SKAP2: variants seen among roughly 807,000 people sequenced by gnomAD.
SKAP2 encodes the protein src kinase associated phosphoprotein 2, also known as src kinase-associated phosphoprotein 2.
SKAP2 carries 28 observed loss-of-function variants against 54.9 expected under a neutral mutation model. The ratio of observed to expected loss-of-function variants is 0.51; its 90% CI spans 0.38 to 0.70. SKAP2 has a LOEUF of 0.70. SKAP2 is among the 30% of genes least tolerant of loss of function. The pLI is 0.00. For missense variants in SKAP2, 356 were observed against 424.1 expected (o/e 0.84, Z 1.41); for synonymous variants, 137 against 134.3 (o/e 1.02, Z -0.14).
chr7:26,657,544 T>C, the SKAP2 span, among the ~76,000 whole-genome samples: 1 of 152,218 alleles, frequency 6.6e-6, no homozygotes, highest in African/African-American at 2.4e-5. Flanking sequence ...TAATTTAATG[T>C]AGCCCATGAC....
intron 6 of SKAP2, among the ~76,000 whole-genome samples, chr7:26,730,930 A>G (rs1008484615): frequency 2.1e-4 from 32 of 152,194 alleles, no homozygotes; most frequent in African/African-American, 7.0e-4. Flanking sequence ...AGAACTTAAT[A>G]GAACATATCT....
At chr7:26,676,456 C>T (rs969205589) in intron 11 of SKAP2, among the ~76,000 whole-genome samples, 2 of 152,148 alleles carry the variant, frequency 1.3e-5, no homozygotes, top group East Asian at 1.9e-4. Flanking sequence ...CTTTGGAGGT[C>T]TCTGTAGGAG....
rs995545280 is a variant in SKAP2, at chr7:26,803,015, A to C, written c.307+41015T>G. Among the ~76,000 whole-genome samples the C allele has an allele frequency of 2.6e-5, 4 of 152,186 alleles. No homozygotes were observed. In the East Asian group the frequency reaches 7.7e-4, roughly 29 times the overall value. ...ATCTAAAGCCTCAAACTATGAAACTACTACAAGAAAACATTGGAGAAAATT... is the reference window on the plus strand; with the variant it reads ...ATCTAAAGCCTCAAACTATGAAACTCCTACAAGAAAACATTGGAGAAAATT... On this transcript the variant is annotated intron_variant, in intron 4 of 12. Coordinates refer to ENST00000345317, the MANE Select transcript of SKAP2 (RefSeq NM_003930.5).
At chr7:26,683,358 C>T (rs919436799) in intron 11 of SKAP2, among the ~76,000 whole-genome samples, 1 of 152,168 alleles carries the variant, frequency 6.6e-6, no homozygotes, top group Non-Finnish European at 1.5e-5. Context: ...CTTAAAACAT[C>T]TTTCTGGGAA....
chr7:26,812,083 T>C (rs1291255543), intron 4 of SKAP2, among the ~76,000 whole-genome samples: 1 of 152,172 alleles, frequency 6.6e-6, no homozygotes, highest in East Asian at 1.9e-4. Flanking sequence ...AAGGGAACTG[T>C]TTCAAAGATG....
At chr7:26,799,481 A>T (rs1463981190) in intron 4 of SKAP2, among the ~76,000 whole-genome samples, 1 of 152,226 alleles carries the variant, frequency 6.6e-6, no homozygotes, top group Non-Finnish European at 1.5e-5. Flanking sequence ...CTATATAATG[A>T]TAAAGGAGTC....
the SKAP2 span, among the ~76,000 whole-genome samples, chr7:26,658,089 A>T: frequency 2.0e-5 from 3 of 152,204 alleles, no homozygotes; most frequent in African/African-American, 7.2e-5. Flanking sequence ...TTCAACAAAG[A>T]CCTCATCTTC....
intron 4 of SKAP2, chr7:26,746,636 A>G (rs555751936): frequency 3.4e-4 from 25 of 74,058 alleles, no homozygotes; most frequent in Non-Finnish European, 5.4e-4. Flanking sequence ...TTTTTTTTTT[A>G]CCTTAAACAT....
chr7:26,808,328 C>G (rs1784070365), intron 4 of SKAP2, among the ~76,000 whole-genome samples: 1 of 152,014 alleles, frequency 6.6e-6, no homozygotes, highest in Non-Finnish European at 1.5e-5. Context: ...CATGATGACC[C>G]TTAAAGACAT....
At chr7:26,691,203 C>T (rs771527257) in intron 9 of SKAP2, among the ~76,000 whole-genome samples, 3 of 152,142 alleles carry the variant, frequency 2.0e-5, no homozygotes, top group Non-Finnish European at 2.9e-5. Context: ...GTTCCACACT[C>T]ACCTATACCA....
intron 4 of SKAP2, among the ~76,000 whole-genome samples, chr7:26,762,095 T>G (rs1407129479): frequency 6.6e-6 from 1 of 152,118 alleles, no homozygotes; most frequent in Non-Finnish European, 1.5e-5. Flanking sequence ...CTGGTACATT[T>G]AAATTATGAT....
intron 4 of SKAP2, among the ~76,000 whole-genome samples, chr7:26,751,641 T>C (rs1782684229): frequency 1.3e-5 from 2 of 152,182 alleles, no homozygotes; most frequent in African/African-American, 4.8e-5. Context: ...GCAATCTTTC[T>C]CCCCTCTCTC....
intron 4 of SKAP2, among the ~76,000 whole-genome samples, chr7:26,814,563 CAAAA>C (rs397889100): frequency 8.2e-4 from 74 of 90,166 alleles, no homozygotes; most frequent in Admixed American, 8.2e-4. Context: ...CTTACACCAG[CAAAA>C]AAAAAAAAAA....
intron 11 of SKAP2, among the ~76,000 whole-genome samples, chr7:26,676,701 GAC>G (rs1470475351): frequency 2.6e-5 from 4 of 152,136 alleles, no homozygotes; most frequent in Non-Finnish European, 4.4e-5. Context: ...AAATATTTAA[GAC>G]ACAGTGTCTA....
At chr7:26,740,136 TAAAAG>T in intron 4 of SKAP2, among the ~76,000 whole-genome samples, 172 bp from the exon 5 acceptor site, 1 of 124,358 alleles carries the variant, frequency 8.0e-6, no homozygotes, top group Non-Finnish European at 1.6e-5. Context: ...CTATTCCTCC[TAAAAG>T]TCTCAAAAGT....
At chr7:26,731,170 CA>C (rs1363031151) in intron 6 of SKAP2, among the ~76,000 whole-genome samples, 8 of 152,146 alleles carry the variant, frequency 5.3e-5, no homozygotes, top group Non-Finnish European at 8.8e-5. Context: ...ATGTTAGAAT[CA>C]ACTTGGACGC....
intron 4 of SKAP2, among the ~76,000 whole-genome samples, chr7:26,821,242 A>G (rs1784379190): frequency 6.6e-6 from 1 of 152,176 alleles, no homozygotes; most frequent in South Asian, 2.1e-4. Flanking sequence ...TGATGCCTGA[A>G]TTACATGGAG....
chr7:26,658,556 C>A, the SKAP2 span, among the ~76,000 whole-genome samples: 1 of 151,894 alleles, frequency 6.6e-6, no homozygotes, highest in Non-Finnish European at 1.5e-5. Flanking sequence ...TCACTGTCAT[C>A]TGATTGTTTA....
In SKAP2 at chr7:26,726,999, T is replaced by C; in HGVS notation, c.477A>G (p.Gln159=). 6.2e-7 allele frequency: 1 copy of C among 1,600,706 alleles called. No homozygotes were observed. The highest frequency in any genetic ancestry group is 8.5e-7 in the Non-Finnish European group (1 of 1,174,572). ...CATCTATTGCAAATTCACCTTTCTGTTGTTTGTCTGTTGAAGATAAAACCA... is the reference window on the plus strand; with the variant it reads ...CATCTATTGCAAATTCACCTTTCTGCTGTTTGTCTGTTGAAGATAAAACCA... The part of the protein sequence containing the change: ...FYYYGSDKDK[Q]QKGEFAIDGY... The change falls in exon 7 of 13, where the codon CAA becomes CAG. Residue 159 remains glutamine, a synonymous_variant. Transcript: ENST00000345317.
Sources: gnomAD v4.1 joint callset for allele counts (sites outside exome capture counted in the v4.1 genomes callset) on GRCh38, gnomAD v4.1.1 for gene constraint, MANE v1.5 for transcripts, NCBI Gene and HGNC (gene_info 2026-07-23, HGNC 2026-07-21) for gene names.